ADAMTS17: variants seen among roughly 807,000 people sequenced by gnomAD.
ADAMTS17 encodes the protein ADAM metallopeptidase with thrombospondin type 1 motif 17.
Under a neutral mutation model 141.5 loss-of-function variants are expected in ADAMTS17, and 113 were observed. That is an observed-to-expected ratio of 0.80 (90% CI 0.69 to 0.93). The LOEUF (loss-of-function observed/expected upper bound fraction) is 0.93, where lower values mean the gene tolerates loss of function less well. Among genes scored for constraint, ADAMTS17 ranks in the 40% least tolerant of loss-of-function variants. ADAMTS17 has a pLI of 0.00. For missense variants in ADAMTS17, 1,659 were observed against 1,517.9 expected (o/e 1.09, Z -1.54); for synonymous variants, 768 against 630.6 (o/e 1.22, Z -3.27).
At chr15:100,306,340 A>G (rs937659007) in intron 3 of ADAMTS17, 1 of 385,292 alleles carries the variant, frequency 2.6e-6, no homozygotes. Flanking sequence ...CAAAGGCAGC[A>G]CAGCTCCTGC....
chr15:100,099,837 A>G (rs8042860), intron 14 of ADAMTS17, among the ~76,000 whole-genome samples: 42,469 of 152,094 alleles, frequency 0.28, 6,084 homozygotes, highest in East Asian at 0.38. Context: ...AAGTGCTTGG[A>G]AAAGCTTTAG....
At chr15:100,121,933 C>A (rs965720548) in intron 12 of ADAMTS17, among the ~76,000 whole-genome samples, 1 of 152,134 alleles carries the variant, frequency 6.6e-6, no homozygotes, top group Non-Finnish European at 1.5e-5. Flanking sequence ...TCCCTTGGAA[C>A]CTTTCCCTGA....
At chr15:100,194,823 C>T (rs1228358829) in intron 8 of ADAMTS17, among the ~76,000 whole-genome samples, 11 of 150,072 alleles carry the variant, frequency 7.3e-5, no homozygotes, top group Non-Finnish European at 1.5e-4. Flanking sequence ...CAAGGAACTG[C>T]CCCCCATTCC....
chr15:100,205,162 A>G (rs1227946853), intron 7 of ADAMTS17, among the ~76,000 whole-genome samples: 1 of 152,136 alleles, frequency 6.6e-6, no homozygotes, highest in Non-Finnish European at 1.5e-5. Flanking sequence ...CCTGGACTTC[A>G]GGAGGAGATG....
At position 99,974,074 on chromosome 15, in the gene ADAMTS17, C is replaced by T. The variant is rs1021563688; in HGVS notation, c.*328G>A. 6.9e-5 allele frequency: 28 copies of T among 407,396 alleles called. No individual in the cohort carries two copies. The highest frequency in any genetic ancestry group is 1.7e-4 in the South Asian group (8 of 45,750). 25.2% of individuals were successfully genotyped at this position (407,396 alleles called of 1,614,324 possible). ...GCACTGGAAATTCAAATGTCAAAAG[C>T]GAGTCAAGACAAGAACACTAAATGA... On this transcript the variant is annotated 3_prime_UTR_variant, in exon 22 of 22. Coordinates refer to ENST00000268070, the MANE Select transcript of ADAMTS17 (RefSeq NM_139057.4).
chr15:100,262,446 AG>A lies in ADAMTS17; in HGVS notation c.790-12del. 6.2e-7 allele frequency: 1 copy of A among 1,607,686 alleles called. No individual in the cohort carries two copies. The highest frequency in any genetic ancestry group is 1.1e-5 in the South Asian group (1 of 89,966). On this transcript the variant is annotated splice_polypyrimidine_tract_variant and intron_variant, in intron 4 of 21. Transcript: ENST00000268070. Reference sequence around the variant, plus strand: ...AAACATATTGTATACCTATCAAGACAGAAAAAAGAAATAAAGATATAAAGAT... The same window carrying A: ...AAACATATTGTATACCTATCAAGACAAAAAAAGAAATAAAGATATAAAGAT...
intron 4 of ADAMTS17, among the ~76,000 whole-genome samples, chr15:100,263,516 C>T (rs972031477): frequency 1.3e-5 from 2 of 152,148 alleles, no homozygotes; most frequent in African/African-American, 4.8e-5. Context: ...CAACATCAAG[C>T]AGTCACAGCA....
At chr15:100,243,800 AAAAG>A (rs1182006364) in intron 7 of ADAMTS17, among the ~76,000 whole-genome samples, 2 of 85,570 alleles carry the variant, frequency 2.3e-5, no homozygotes, top group Admixed American at 1.2e-4. Flanking sequence ...AAAAAAAAAA[AAAAG>A]AAAGAAAAGA....
intron 7 of ADAMTS17, among the ~76,000 whole-genome samples, chr15:100,241,920 C>G (rs920485693): frequency 2.0e-5 from 3 of 152,200 alleles, no homozygotes; most frequent in African/African-American, 7.2e-5. Context: ...GGCCCAGATT[C>G]GGTCTCTGGT....
chr15:100,075,752 C>G (rs1289012259), intron 15 of ADAMTS17, among the ~76,000 whole-genome samples: 2 of 152,130 alleles, frequency 1.3e-5, no homozygotes, highest in Admixed American at 6.6e-5. Flanking sequence ...ACATTTGTCT[C>G]CTTTGCCTTC....
At chr15:100,069,394 T>A (rs1182136850) in intron 15 of ADAMTS17, among the ~76,000 whole-genome samples, 13 of 151,032 alleles carry the variant, frequency 8.6e-5, no homozygotes, top group African/African-American at 2.7e-4. Flanking sequence ...TACAGAGAAA[T>A]CCACAAAGAT....
In ADAMTS17 at chr15:100,176,235, A is replaced by G. The variant is rs188073450; in HGVS notation, c.1182-20915T>C. ...GGGATGATGAATGCATGGTGCTTCAAACAGTACATGGCACAGAGGAAGGGC... is the reference window on the plus strand; with the variant it reads ...GGGATGATGAATGCATGGTGCTTCAGACAGTACATGGCACAGAGGAAGGGC... On this transcript the variant is annotated intron_variant, in intron 8 of 21. Coordinates refer to ENST00000268070, the MANE Select transcript of ADAMTS17 (RefSeq NM_139057.4). Among the ~76,000 whole-genome samples the G allele has an allele frequency of 5.9e-5, 9 of 152,350 alleles. No homozygotes were observed. The East Asian group carries it at 1.5e-3, about 26-fold the overall frequency.
chr15:100,265,249 T>C (rs1053907840), intron 4 of ADAMTS17, among the ~76,000 whole-genome samples: 49 of 152,210 alleles, frequency 3.2e-4, no homozygotes, highest in African/African-American at 1.2e-3. Flanking sequence ...CAGGTGACAA[T>C]CCGACGACAG....
In ADAMTS17 at chr15:100,263,649, T is replaced by C. The variant is rs74039116; in HGVS notation, c.790-1214A>G. ...GTCATTATGACTCTGCCGAGTTCCT[T>C]TGCCATAACGCAGAGAAAACAGGAT... On this transcript the variant is annotated intron_variant, in intron 4 of 21. Coordinates refer to ENST00000268070, the MANE Select transcript of ADAMTS17 (RefSeq NM_139057.4). 7.5e-3 allele frequency among the ~76,000 whole-genome samples: 1,135 copies of C among 152,286 alleles called. 12 individuals carry two copies. The highest frequency in any genetic ancestry group is 0.026 in the African/African-American group (1,062 of 41,548).
At chr15:100,022,963 A>G (rs1447727347) in intron 18 of ADAMTS17, among the ~76,000 whole-genome samples, 4 of 147,176 alleles carry the variant, frequency 2.7e-5, no homozygotes, top group Non-Finnish European at 5.9e-5. Context: ...ATCTGTTTTC[A>G]CCGGAGCACT....
chr15:100,338,242 A>C (rs934318182), intron 2 of ADAMTS17, among the ~76,000 whole-genome samples: 7 of 152,108 alleles, frequency 4.6e-5, no homozygotes, highest in Non-Finnish European at 8.8e-5. Context: ...CAGGTGCTTT[A>C]CTCTCCATGG....
At chr15:100,207,704 G>A (rs1203740090) in intron 7 of ADAMTS17, among the ~76,000 whole-genome samples, 1 of 152,236 alleles carries the variant, frequency 6.6e-6, no homozygotes. Flanking sequence ...ACCTTAGCCA[G>A]CTGCATCTGT....
At chr15:99,979,065 T>A (rs939203847) in intron 20 of ADAMTS17, 1 of 152,158 alleles carries the variant, frequency 6.6e-6, no homozygotes, top group Non-Finnish European at 1.5e-5. Flanking sequence ...CAGGTGTGCC[T>A]AAAGGTAAGG....
At chr15:100,203,128 G>A (rs772435745) in intron 7 of ADAMTS17, among the ~76,000 whole-genome samples, 15 of 152,290 alleles carry the variant, frequency 9.8e-5, no homozygotes, top group Non-Finnish European at 1.8e-4. Context: ...AGGCATGACT[G>A]GTCCCATTTT....
Sources: gnomAD v4.1 joint callset for allele counts (sites outside exome capture counted in the v4.1 genomes callset) on GRCh38, gnomAD v4.1.1 for gene constraint, MANE v1.5 for transcripts, NCBI Gene and HGNC (gene_info 2026-07-23, HGNC 2026-07-21) for gene names.